Variants in DLGAP2 observed in about 807,000 individuals in gnomAD.
DLGAP2 encodes DLG associated protein 2, also known as disks large-associated protein 2.
In DLGAP2, 26 loss-of-function variants were observed where a neutral mutation model predicts 100.3. The ratio of observed to expected loss-of-function variants is 0.26; its 90% confidence interval spans 0.19 to 0.36. The LOEUF is 0.36. Ranked by LOEUF, DLGAP2 falls within the 10% of genes least tolerant of loss-of-function variation. The pLI, the probability that DLGAP2 is intolerant of heterozygous loss-of-function variation, is 1.00. For missense variants in DLGAP2, 1,858 were observed against 1,453.2 expected, an observed-to-expected ratio of 1.28 and a Z score of -4.53; for synonymous variants, 886 against 630.1, an observed-to-expected ratio of 1.41 and a Z score of -6.08.
intron 1 of DLGAP2, among the ~76,000 whole-genome samples, chr8:765,890 C>T (rs867091880): frequency 1.2e-4 from 18 of 152,292 alleles, no homozygotes; most frequent in Middle Eastern, 3.4e-3. Context: ...CACATATGGC[C>T]GGGTGCGGTG....
Position 1,315,090 on chromosome 8 carries a change from C to T in DLGAP2, c.106+56207C>T, listed in dbSNP as rs551672141. On this transcript the variant is annotated intron_variant, in intron 3 of 14. Transcript: ENST00000637795. The stretch of plus-strand genomic sequence containing the variant: ...TTTACAAAAGAGGTTTTTTCAGAAG[C>T]GGCGACACCATAGAACCGTATTTAG... 4.6e-5 allele frequency among the ~76,000 whole-genome samples: 7 copies of T among 152,300 alleles called. No homozygotes were observed. The South Asian group carries it at 1.2e-3, about 27-fold the overall frequency.
At chr8:1,565,526 T>G in intron 5 of DLGAP2, 157 bp from the exon 6 acceptor site, 1 of 613,736 alleles carries the variant, frequency 1.6e-6, no homozygotes, top group Non-Finnish European at 2.8e-6. Flanking sequence ...TCATTTCCTT[T>G]TAGGATATGC....
intron 6 of DLGAP2, among the ~76,000 whole-genome samples, chr8:1,579,811 C>G (rs1335772452): frequency 9.9e-5 from 15 of 152,200 alleles, no homozygotes; most frequent in Non-Finnish European, 8.8e-5. Flanking sequence ...GGTACATTGC[C>G]TAAGTGCCCA....
intron 6 of DLGAP2, among the ~76,000 whole-genome samples, chr8:1,624,857 C>CTCTCTG (rs1554511102): frequency 5.0e-5 from 4 of 79,420 alleles, no homozygotes; most frequent in African/African-American, 3.8e-4. Context: ...CTCTCTCTCT[C>CTCTCTG]TCTCTCTCTC....
intron 4 of DLGAP2, among the ~76,000 whole-genome samples, chr8:1,535,924 C>T (rs1801140523): frequency 6.6e-6 from 1 of 152,194 alleles, no homozygotes; most frequent in Non-Finnish European, 1.5e-5. Context: ...AGCACAAGCA[C>T]CACAAGCACT....
At chr8:1,151,068 G>A (rs1563217578) in intron 2 of DLGAP2, among the ~76,000 whole-genome samples, 1 of 152,080 alleles carries the variant, frequency 6.6e-6, no homozygotes, top group Non-Finnish European at 1.5e-5. Context: ...CATTGAAAAC[G>A]ATGTTAACAT....
intron 2 of DLGAP2, among the ~76,000 whole-genome samples, chr8:1,135,679 A>T (rs1044636369): frequency 1.3e-5 from 2 of 152,064 alleles, no homozygotes; most frequent in South Asian, 4.1e-4. Flanking sequence ...CAGGAACTGC[A>T]GGTTGGGCGC....
chr8:1,676,853 A>C (rs1171496740), intron 11 of DLGAP2, among the ~76,000 whole-genome samples: 2 of 152,254 alleles, frequency 1.3e-5, no homozygotes, highest in Admixed American at 6.5e-5. Flanking sequence ...TCACCTCTGA[A>C]AGCAGAGCAG....
chr8:1,310,897 C>G (rs1585246757), intron 3 of DLGAP2, among the ~76,000 whole-genome samples: 1 of 151,794 alleles, frequency 6.6e-6, no homozygotes, highest in African/African-American at 2.4e-5. Flanking sequence ...GACAATGGGT[C>G]AAAGAATCAG....
intron 4 of DLGAP2, among the ~76,000 whole-genome samples, chr8:1,516,241 G>A (rs1024646119): frequency 6.6e-6 from 1 of 152,030 alleles, no homozygotes; most frequent in African/African-American, 2.4e-5. Flanking sequence ...GTGAGTTACT[G>A]AGTAAATGAG....
intron 12 of DLGAP2, among the ~76,000 whole-genome samples, chr8:1,679,457 G>C (rs552279854): frequency 6.8e-6 from 1 of 147,574 alleles, no homozygotes; most frequent in Admixed American, 6.8e-5. Flanking sequence ...CACCACCAAA[G>C]GTCTCACTCC....
chr8:962,224 G>C (rs909820296), intron 2 of DLGAP2, among the ~76,000 whole-genome samples: 1 of 152,180 alleles, frequency 6.6e-6, no homozygotes, highest in South Asian at 2.1e-4. Context: ...AGATACCAGT[G>C]AAAGGGTCTC....
In DLGAP2 at chr8:1,188,998, T is replaced by C. The variant is rs1032681109; in HGVS notation, c.74-69853T>C. ...TTCGGGCCCCAGGCCGGTTCCGCGG[T>C]TGGGGTTGACCTTACACAGGGTTCG... On this transcript the variant is annotated intron_variant, in intron 2 of 14. Coordinates refer to ENST00000637795, the MANE Select transcript of DLGAP2 (RefSeq NM_001346810.2). 2.8e-3 allele frequency among the ~76,000 whole-genome samples: 421 copies of C among 147,754 alleles called. 11 individuals carry two copies. The highest frequency in any genetic ancestry group is 0.01 in the African/African-American group (383 of 38,134).
At chr8:1,517,388 G>T (rs1445849108) in intron 4 of DLGAP2, among the ~76,000 whole-genome samples, 1 of 152,098 alleles carries the variant, frequency 6.6e-6, no homozygotes, top group African/African-American at 2.4e-5. Flanking sequence ...GGGCCGTGGT[G>T]AGGGGCACCC....
intron 2 of DLGAP2, among the ~76,000 whole-genome samples, chr8:994,141 T>C (rs1023243641): frequency 2.0e-5 from 3 of 152,194 alleles, no homozygotes; most frequent in Non-Finnish European, 2.9e-5. Context: ...GTGATTATTA[T>C]TGGGGAGTTT....
chr8:1,476,506 C>T (rs1258564012), intron 3 of DLGAP2, among the ~76,000 whole-genome samples: 2 of 152,122 alleles, frequency 1.3e-5, no homozygotes, highest in Non-Finnish European at 2.9e-5. Context: ...AACTGATTTC[C>T]GCTGACACCA....
intron 3 of DLGAP2, among the ~76,000 whole-genome samples, chr8:1,480,273 G>A (rs760873979): frequency 6.6e-6 from 1 of 152,150 alleles, no homozygotes; most frequent in Admixed American, 6.5e-5. Flanking sequence ...TCTCTTTGGA[G>A]TCCACATGTG....
intron 1 of DLGAP2, among the ~76,000 whole-genome samples, chr8:866,960 C>T (rs1455931067): frequency 6.6e-6 from 1 of 152,136 alleles, no homozygotes; most frequent in Non-Finnish European, 1.5e-5. Context: ...CCCTTACAGG[C>T]TCACTGCCTT....
chr8:1,582,313 T>TA lies in DLGAP2; in HGVS notation c.1442+16434dup, dbSNP rs200930388. ...GAAGTGAAGGATACAGATAAAACCT[T>TA]AAAAAAAAAAAAAAAGAAAGAAAGA... On this transcript the variant is annotated intron_variant, in intron 6 of 14. Transcript: ENST00000637795. Among the ~76,000 whole-genome samples the TA allele has an allele frequency of 8.3e-4, 80 of 96,800 alleles. 3 individuals are homozygous for TA. Among genetic ancestry groups the TA allele is most frequent in the South Asian group, 1.9e-3 (6 of 3,218 alleles). 63.5% of individuals were successfully genotyped at this position (96,800 alleles called of 152,430 possible).
Sources: allele counts gnomAD v4.1 joint callset (sites outside exome capture counted in the v4.1 genomes callset), GRCh38; gene constraint gnomAD v4.1.1; transcripts MANE v1.5; gene names NCBI Gene and HGNC (gene_info 2026-07-23, HGNC 2026-07-21).